The following SHANK2 variants were observed in gnomAD, a reference collection of about 807,000 sequenced individuals.
The protein encoded by SHANK2 is SH3 and multiple ankyrin repeat domains 2.
SHANK2 carries 43 observed loss-of-function variants against 133.7 expected under a neutral mutation model. That is an observed-to-expected ratio of 0.32 (90% CI 0.25 to 0.41). SHANK2 has a LOEUF of 0.41. Among genes scored for constraint, SHANK2 ranks in the 10% least tolerant of loss-of-function variants. The pLI, the probability that SHANK2 is intolerant of heterozygous loss-of-function variation, is 1.00. For missense variants in SHANK2, 1,994 were observed against 2,235.8 expected, an observed-to-expected ratio of 0.89 and a Z score of 2.18; for synonymous variants, 1,017 against 952.8, an observed-to-expected ratio of 1.07 and a Z score of -1.24.
chr11:70,726,990 C>T (rs1946192702), intron 14 of SHANK2, among the ~76,000 whole-genome samples: 1 of 152,242 alleles, frequency 6.6e-6, no homozygotes, highest in Non-Finnish European at 1.5e-5. Context: ...GGAAATCTAC[C>T]TGGGAACAGA....
In SHANK2 at chr11:70,642,447, G is replaced by A. The variant is rs114112679; in HGVS notation, c.2061+17381C>T. ...CAGCAGGAAGTCTGGGCAGAACGGA[G>A]CTTGCTAGGTCACCCCATGTGAACT... is the stretch of plus-strand genomic sequence containing the variant. On this transcript the variant is annotated intron_variant, in intron 17 of 25. Coordinates refer to ENST00000601538, the MANE Select transcript of SHANK2 (RefSeq NM_012309.5). Among the ~76,000 whole-genome samples, 436 of 152,336 alleles carry A rather than the reference G, an allele frequency of 2.9e-3. 5 individuals are homozygous for A. The highest frequency in any genetic ancestry group is 0.01 in the African/African-American group (416 of 41,578).
chr11:70,857,346 G>A lies in SHANK2; in HGVS notation c.1175-36664C>T, dbSNP rs536911033. 1.5e-4 allele frequency among the ~76,000 whole-genome samples: 23 copies of A among 152,198 alleles called. No homozygotes were observed. In the East Asian group the frequency reaches 3.1e-3, roughly 21 times the overall value. On this transcript the variant is annotated intron_variant, in intron 11 of 25. Coordinates refer to ENST00000601538, the MANE Select transcript of SHANK2 (RefSeq NM_012309.5). The stretch of plus-strand genomic sequence containing the variant: ...AGCACCCAGTAAATACTCAATGTAC[G>A]GTGACCCGCTTTTCAAACACCTGCT...
intron 14 of SHANK2, among the ~76,000 whole-genome samples, chr11:70,777,262 T>C (rs1947385846): frequency 6.6e-6 from 1 of 151,510 alleles, no homozygotes; most frequent in Non-Finnish European, 1.5e-5. Context: ...CACTTATCCA[T>C]CCATCCATCC....
intron 4 of SHANK2, among the ~76,000 whole-genome samples, chr11:71,115,512 A>C (rs558414562): frequency 2.0e-5 from 3 of 152,206 alleles, no homozygotes; most frequent in Non-Finnish European, 4.4e-5. Context: ...CAACAATTTC[A>C]TGACAATGAA....
In SHANK2 at chr11:70,899,493, G is replaced by A. The variant is rs193128123; in HGVS notation, c.1108-2926C>T. On this transcript the variant is annotated intron_variant, in intron 10 of 25. Coordinates refer to ENST00000601538, the MANE Select transcript of SHANK2 (RefSeq NM_012309.5). ...GTGTGAGAATGGACTAAGATGTGGG[G>A]GAAGCCTCCTGAGTGGCGGCTTCCC... Among the ~76,000 whole-genome samples, 33 of 152,286 alleles carry A rather than the reference G, an allele frequency of 2.2e-4. No individual in the cohort carries two copies. The East Asian group carries it at 4.1e-3, about 19-fold the overall frequency.
At chr11:70,786,725 A>G (rs530110535) in intron 14 of SHANK2, among the ~76,000 whole-genome samples, 1 of 152,210 alleles carries the variant, frequency 6.6e-6, no homozygotes, top group South Asian at 2.1e-4. Context: ...CCTCCAAACA[A>G]AGGGAAGGCT....
chr11:71,093,076 T>C (rs1306632672), intron 7 of SHANK2, among the ~76,000 whole-genome samples: 4 of 148,702 alleles, frequency 2.7e-5, no homozygotes, highest in African/African-American at 5.0e-5. Flanking sequence ...GGTATAACTT[T>C]AGACAACTAC....
rs782083918 is a variant in SHANK2 at position 70,487,659 on chromosome 11, C to T, written c.2634G>A (p.Leu878=). The T allele has an allele frequency of 6.3e-7, 1 of 1,594,230 alleles. No individual in the cohort carries two copies. The highest frequency in any genetic ancestry group is 1.3e-5 in the African/African-American group (1 of 74,648). The change falls in exon 25 of 26, where the codon CTG becomes CTA. Residue 878 remains leucine (L), a synonymous_variant. Transcript: ENST00000601538. The surrounding 1 kb of genome is among the most constrained non-coding windows in gnomAD (Gnocchi z 5.8). ...APPMLKFTRS[L]SMPDTSEDIP... is the part of the protein sequence containing the mutation. ...TGTCCTCAGAGGTGTCCGGCATGGA[C>T]AGGCTTCTGGTGAACTTCAGCATTG... is the stretch of plus-strand genomic sequence containing the variant.
In SHANK2 at chr11:70,486,072, A is replaced by G. The variant is rs2058799116; in HGVS notation, c.4221T>C (p.Phe1407=). 7 of 1,614,030 alleles carry G rather than the reference A, an allele frequency of 4.3e-6. No homozygotes were observed. In the East Asian group the frequency reaches 1.6e-4, roughly 36 times the overall value. The stretch of plus-strand genomic sequence containing the variant: ...CCAGGGGAGGAGGCAATGGCTCTGT[A>G]AAAATAAAATCCTCATCCAAGTCCA... ...ASVDLDEDFI[F]TEPLPPPLEF... is the part of the protein sequence containing the mutation. Residue 1407 remains phenylalanine (F), a synonymous_variant, in exon 25 of 26, where the codon TTT becomes TTC. Coordinates refer to ENST00000601538, the MANE Select transcript of SHANK2 (RefSeq NM_012309.5). The surrounding 1 kb of genome is among the most constrained non-coding windows in gnomAD (Gnocchi z 8.0).
intron 17 of SHANK2, among the ~76,000 whole-genome samples, chr11:70,644,099 A>G: frequency 6.6e-6 from 1 of 152,250 alleles, no homozygotes; most frequent in Non-Finnish European, 1.5e-5. Context: ...GGAAAGCCCA[A>G]CTATTCAAAA....
intron 5 of SHANK2, among the ~76,000 whole-genome samples, chr11:71,110,506 G>A (rs1360295801): frequency 2.0e-5 from 3 of 152,196 alleles, no homozygotes; most frequent in Non-Finnish European, 4.4e-5. Context: ...TTGGGAGGCT[G>A]AGGCAGGAGG....
intron 17 of SHANK2, among the ~76,000 whole-genome samples, chr11:70,641,610 G>A (rs2061183893): frequency 6.6e-6 from 1 of 152,204 alleles, no homozygotes; most frequent in South Asian, 2.1e-4. Flanking sequence ...CCAGCCAGAG[G>A]CGGCCGAGCC....
At chr11:70,722,137 G>A (rs1406540693) in intron 14 of SHANK2, among the ~76,000 whole-genome samples, 1 of 152,238 alleles carries the variant, frequency 6.6e-6, no homozygotes, top group East Asian at 1.9e-4. Flanking sequence ...GCTGGGATGT[G>A]TGCTGTCTCT....
At chr11:70,503,753 C>G (rs904439445) in intron 17 of SHANK2, among the ~76,000 whole-genome samples, 2 of 152,376 alleles carry the variant, frequency 1.3e-5, no homozygotes, top group South Asian at 2.1e-4. Flanking sequence ...CTCTGCTATT[C>G]TCACCTCCCT....
chr11:71,056,236 T>G (rs1698172223), intron 10 of SHANK2, among the ~76,000 whole-genome samples: 1 of 152,234 alleles, frequency 6.6e-6, no homozygotes, highest in Non-Finnish European at 1.5e-5. Context: ...GACTGCTGCA[T>G]GCATTTCCAC....
chr11:70,652,459 CCTCTT>C (rs373945890), intron 17 of SHANK2, among the ~76,000 whole-genome samples: 18 of 152,168 alleles, frequency 1.2e-4, no homozygotes, highest in African/African-American at 3.4e-4. Flanking sequence ...CCACTGGTTT[CCTCTT>C]CTGAGTCAGG....
At chr11:70,544,224 G>A (rs782477951) in intron 17 of SHANK2, among the ~76,000 whole-genome samples, 61 of 152,140 alleles carry the variant, frequency 4.0e-4, no homozygotes, top group Admixed American at 6.5e-4. Flanking sequence ...TCCTGGGGCC[G>A]CAGAACCTCT....
At chr11:71,240,021 G>A (rs1203638122) in intron 1 of SHANK2, among the ~76,000 whole-genome samples, 1 of 152,144 alleles carries the variant, frequency 6.6e-6, no homozygotes, top group Non-Finnish European at 1.5e-5. Flanking sequence ...CTCCATGAAT[G>A]TTCAATAGTA....
intron 17 of SHANK2, among the ~76,000 whole-genome samples, chr11:70,641,061 T>C (rs1347815752): frequency 6.8e-5 from 3 of 44,188 alleles, no homozygotes; most frequent in African/African-American, 2.1e-4. Flanking sequence ...TTCTAAGTAT[T>C]TTTTTTTTCT....
Sources: allele counts gnomAD v4.1 joint callset (sites outside exome capture counted in the v4.1 genomes callset), GRCh38; gene constraint gnomAD v4.1.1; non-coding constraint Gnocchi (gnomAD v3.1); transcripts MANE v1.5; gene names NCBI Gene and HGNC (gene_info 2026-07-23, HGNC 2026-07-21).